The following ADAM19 variants were observed in gnomAD, a reference collection of about 807,000 sequenced individuals.
ADAM19 encodes disintegrin and metalloproteinase domain-containing protein 19.
A neutral mutation model predicts 114.7 loss-of-function variants in ADAM19; 65 were observed. That is an observed-to-expected ratio of 0.57 (90% CI 0.46 to 0.70). The LOEUF is 0.70. Ranked by LOEUF, ADAM19 falls within the 30% of genes least tolerant of loss-of-function variation. The probability of loss-of-function intolerance (pLI) is 0.00; values close to 1 mark genes in which losing one functional copy is unlikely to be tolerated. For synonymous variants in ADAM19, 466 were observed against 460.5 expected (o/e 1.01, Z -0.15); for missense variants, 1,063 against 1,204.7 (o/e 0.88, Z 1.74).
rs1561835185 is a variant in ADAM19, at chr5:157,477,832, AG to A, written c.*3116del. The A allele has an allele frequency of 2.6e-6, 2 of 780,094 alleles. No individual in the cohort carries two copies. The highest frequency in any genetic ancestry group is 1.8e-5 in the African/African-American group (1 of 55,992). The allele number at this position is 780,094 out of a possible 1,614,324, so 48.3% of individuals were successfully genotyped here. On this transcript the variant is annotated 3_prime_UTR_variant, in exon 23 of 23. Coordinates refer to ENST00000257527, the MANE Select transcript of ADAM19 (RefSeq NM_033274.5). ...GGAGGTGGGGAGGGGCTATTGCTTC[AG>A]GGGGAAGGGACTATGGCAATACAAA...
At chr5:157,518,473 C>T (rs1450173256) in intron 7 of ADAM19, among the ~76,000 whole-genome samples, 1 of 152,222 alleles carries the variant, frequency 6.6e-6, no homozygotes, top group South Asian at 2.1e-4. Context: ...CAACCTCCGC[C>T]TCCCAGGTTC....
At chr5:157,538,641 CTA>C (rs1756832097) in intron 3 of ADAM19, among the ~76,000 whole-genome samples, 2 of 152,178 alleles carry the variant, frequency 1.3e-5, no homozygotes, top group South Asian at 4.1e-4. Flanking sequence ...CCTGGTAATT[CTA>C]TGTTACTCTT....
At chr5:157,492,228 G>A (rs557937611) in intron 16 of ADAM19, among the ~76,000 whole-genome samples, 44 of 152,294 alleles carry the variant, frequency 2.9e-4, no homozygotes, top group African/African-American at 1.1e-3. Context: ...GGAGACAGAG[G>A]TTGCAGTGAG....
rs2113715900 is a variant in ADAM19, at chr5:157,502,934, C to A, written c.1177G>T (p.Asp393Tyr). Residue 393 changes from aspartate (D) to tyrosine (Y), a missense_variant, in exon 12 of 23, where the codon GAC becomes TAC. By Grantham distance (160) the Asp-to-Tyr change is radical. Coordinates refer to ENST00000257527, the MANE Select transcript of ADAM19 (RefSeq NM_033274.5). ...VFNGCNRREL[D>Y]RYLQSGGGMC... Reference sequence around the variant, plus strand: ...CCACCACCTGACTGCAGATACCTGTCCAGCTCCCTCCTGTTGCATCCATTG... The same window carrying A: ...CCACCACCTGACTGCAGATACCTGTACAGCTCCCTCCTGTTGCATCCATTG... 1 of 1,614,052 alleles carries A rather than the reference C, an allele frequency of 6.2e-7. No homozygotes were observed. Among genetic ancestry groups the A allele is most frequent in the East Asian group, 2.2e-5 (1 of 44,898 alleles).
chr5:157,539,078 G>A (rs754834264), intron 3 of ADAM19, among the ~76,000 whole-genome samples: 1 of 151,728 alleles, frequency 6.6e-6, no homozygotes, highest in African/African-American at 2.4e-5. Context: ...GCTTGAACCT[G>A]GGGGGTGGAG....
At chr5:157,519,653 A>G (rs1159511773) in intron 6 of ADAM19, among the ~76,000 whole-genome samples, 186 bp downstream of exon 6, 2 of 152,246 alleles carry the variant, frequency 1.3e-5, no homozygotes, top group Non-Finnish European at 2.9e-5. Context: ...GTTTTCCCCC[A>G]AAAGCAGTTA....
chr5:157,509,589 T>A, intron 8 of ADAM19, 122 bp from the exon 9 acceptor site: 1 of 832,556 alleles, frequency 1.2e-6, no homozygotes, highest in African/African-American at 1.8e-5. Flanking sequence ...AAAATAAAAA[T>A]AAATTTAAAA....
At position 157,480,933 on chromosome 5, in the gene ADAM19, AG is replaced by A; in HGVS notation, c.*15del. On this transcript the variant is annotated 3_prime_UTR_variant, in exon 23 of 23. Coordinates refer to ENST00000257527, the MANE Select transcript of ADAM19 (RefSeq NM_033274.5). ...TCCAGAGAGCTCAAGGAAAGGGAGA[AG>A]CCCCTTGGACAGGTCTAGATTTTCG... 1 of 1,614,160 alleles carries A rather than the reference AG, an allele frequency of 6.2e-7. No individual in the cohort carries two copies. The highest frequency in any genetic ancestry group is 8.5e-7 in the Non-Finnish European group (1 of 1,180,012).
intron 3 of ADAM19, among the ~76,000 whole-genome samples, chr5:157,538,878 A>G (rs920679136): frequency 6.6e-6 from 1 of 152,216 alleles, no homozygotes; most frequent in African/African-American, 2.4e-5. Flanking sequence ...CAGAAAGTCA[A>G]GGTCAGCCAG....
chr5:157,481,867 G>T lies in ADAM19; in HGVS notation c.2627C>A (p.Pro876Gln). The change falls in exon 22 of 23, where the codon CCA becomes CAA. Residue 876 changes from proline (P) to glutamine (Q), a missense_variant. Around this residue, in one of 3 missense-constraint regions of ADAM19, gnomAD observed 424 missense variants for 445.5 expected, o/e 0.95. Transcript: ENST00000257527. ...PVPGRRSLPR[P>Q]GGASPLRPPG... is the part of the protein sequence containing the mutation. The stretch of plus-strand genomic sequence containing the variant: ...GGGCCGCAGTGGGGATGCACCTCCT[G>T]GCCTGGGGAGGCTCCTGCGGCCTGG... 6.3e-7 allele frequency: 1 copy of T among 1,595,932 alleles called. No individual in the cohort carries two copies. Among genetic ancestry groups the T allele is most frequent in the Non-Finnish European group, 8.5e-7 (1 of 1,171,012 alleles).
intron 12 of ADAM19, among the ~76,000 whole-genome samples, chr5:157,500,600 C>T (rs577729957): frequency 2.0e-5 from 3 of 152,226 alleles, no homozygotes; most frequent in African/African-American, 7.2e-5. Context: ...AAGGGGCTGC[C>T]GGTGCAAGAG....
chr5:157,517,750 G>A (rs1756134630), intron 7 of ADAM19, among the ~76,000 whole-genome samples: 1 of 152,222 alleles, frequency 6.6e-6, no homozygotes, highest in Admixed American at 6.5e-5. Context: ...GATCACTGAT[G>A]AATAAATGAA....
chr5:157,488,372 C>T lies in ADAM19; in HGVS notation c.2443G>A (p.Ala815Thr), dbSNP rs144596397. 3 of 1,614,208 alleles carry T rather than the reference C, an allele frequency of 1.9e-6. No individual in the cohort carries two copies. The South Asian group carries it at 3.3e-5, about 18-fold the overall frequency. The change falls in exon 21 of 23, where the codon GCT becomes ACT. Residue 815 changes from alanine (A) to threonine (T), a missense_variant. Coordinates refer to ENST00000257527, the MANE Select transcript of ADAM19 (RefSeq NM_033274.5). Reference sequence around the variant, plus strand: ...GACCCGGGCCCTGGGGAGTTCCTAGCAGCCCTGCTCAGGTGAGCTGGCAGT... The same window carrying T: ...GACCCGGGCCCTGGGGAGTTCCTAGTAGCCCTGCTCAGGTGAGCTGGCAGT... Reference protein sequence around the residue: ...APLPAHLSRAARNSPGPGSQI... With the variant: ...APLPAHLSRATRNSPGPGSQI...
Position 157,551,408 on chromosome 5 carries a change from AC to A in ADAM19, c.251+12964del, listed in dbSNP as rs200931202. On this transcript the variant is annotated intron_variant, in intron 3 of 22. Transcript: ENST00000257527. Reference sequence around the variant, plus strand: ...AACAGAGCATGATTCTGTCCCCCCAACCCCAAAAAAAAAAAAAAAAAAAGAC... The same window carrying A: ...AACAGAGCATGATTCTGTCCCCCCAACCCAAAAAAAAAAAAAAAAAAAGAC... Among the ~76,000 whole-genome samples the A allele has an allele frequency of 9.1e-3, 342 of 37,736 alleles. 2 individuals carry two copies. Among genetic ancestry groups the A allele is most frequent in the African/African-American group, 0.041 (323 of 7,838 alleles). 24.8% of individuals were successfully genotyped at this position (37,736 alleles called of 152,430 possible). A position where few individuals can be genotyped will look rare whatever the true frequency, so the allele number is the denominator to read the frequency against.
chr5:157,537,325 A>G (rs888589484), intron 4 of ADAM19, among the ~76,000 whole-genome samples: 3 of 152,212 alleles, frequency 2.0e-5, no homozygotes, highest in African/African-American at 7.2e-5. Context: ...CTGACATGTA[A>G]CCATCTGAAA....
intron 5 of ADAM19, among the ~76,000 whole-genome samples, chr5:157,525,590 C>A (rs529366796): frequency 2.6e-4 from 40 of 152,304 alleles, no homozygotes; most frequent in African/African-American, 9.1e-4. Flanking sequence ...CCACCCACCC[C>A]ACTCCCAGGA....
At chr5:157,538,916 G>A (rs1254133797) in intron 3 of ADAM19, among the ~76,000 whole-genome samples, 1 of 152,142 alleles carries the variant, frequency 6.6e-6, no homozygotes, top group Admixed American at 6.5e-5. Flanking sequence ...TGTAATCCCA[G>A]CACTTTGGGA....
At chr5:157,569,667 C>T (rs541075756) in intron 2 of ADAM19, among the ~76,000 whole-genome samples, 103 of 152,176 alleles carry the variant, frequency 6.8e-4, no homozygotes, top group African/African-American at 2.3e-3. Flanking sequence ...GACATTGCTC[C>T]TTTCCATTTA....
chr5:157,521,703 C>T (rs1756290659), intron 5 of ADAM19, among the ~76,000 whole-genome samples: 1 of 152,206 alleles, frequency 6.6e-6, no homozygotes, highest in Admixed American at 6.5e-5. Flanking sequence ...CCCTGAACAT[C>T]TGGGGGTGGG....
Sources: allele counts gnomAD v4.1 joint callset (sites outside exome capture counted in the v4.1 genomes callset), GRCh38; gene constraint gnomAD v4.1.1; regional missense constraint gnomAD v4.1.1; transcripts MANE v1.5; gene names NCBI Gene and HGNC (gene_info 2026-07-23, HGNC 2026-07-21).